MCU: variants seen among roughly 807,000 people sequenced by gnomAD.
MCU encodes calcium uniporter protein, mitochondrial.
In MCU, 12 loss-of-function variants were observed where a neutral mutation model predicts 45.2. The ratio of observed to expected loss-of-function variants is 0.27; its 90% CI spans 0.17 to 0.43. MCU has a LOEUF of 0.43. MCU is among the 20% of genes least tolerant of loss of function. MCU has a pLI of 1.00. For synonymous variants in MCU, 160 were observed against 165.1 expected (o/e 0.97, Z 0.24); for missense variants, 324 against 436.7 (o/e 0.74, Z 2.30).
chr10:72,808,014 C>G (rs1203528188), intron 1 of MCU, among the ~76,000 whole-genome samples: 1 of 152,152 alleles, frequency 6.6e-6, no homozygotes, highest in Non-Finnish European at 1.5e-5. Context: ...TATTGACAAG[C>G]TTATTTTACT....
intron 1 of MCU, among the ~76,000 whole-genome samples, chr10:72,811,500 C>T (rs1450410954): frequency 6.6e-6 from 1 of 152,086 alleles, no homozygotes; most frequent in Non-Finnish European, 1.5e-5. Context: ...CTGTGGGGTC[C>T]CTTCAGATTA....
At chr10:72,764,172 A>C (rs1202655800) in intron 1 of MCU, among the ~76,000 whole-genome samples, 1 of 152,166 alleles carries the variant, frequency 6.6e-6, no homozygotes, top group Admixed American at 6.5e-5. Context: ...AGTTCCACTA[A>C]ATGATTTAAG....
At position 72,860,540 on chromosome 10, in the gene MCU, C is replaced by T. The variant is rs1845360382; in HGVS notation, c.496+13C>T. 1 of 1,596,510 alleles carries T rather than the reference C, an allele frequency of 6.3e-7. No homozygotes were observed. Among genetic ancestry groups the T allele is most frequent in the South Asian group, 1.1e-5 (1 of 90,440 alleles). The stretch of plus-strand genomic sequence containing the variant: ...CCACCAAAAAGAGGTAAAATAGTAA[C>T]CTTGGTAAGGTCACAGAAATGTGGG... On this transcript the variant is annotated intron_variant, in intron 4 of 7. Coordinates refer to ENST00000373053, the MANE Select transcript of MCU (RefSeq NM_138357.3).
At chr10:72,788,908 A>G (rs1286473389) in intron 1 of MCU, among the ~76,000 whole-genome samples, 2 of 152,196 alleles carry the variant, frequency 1.3e-5, no homozygotes, top group African/African-American at 4.8e-5. Flanking sequence ...ACATTTGCTG[A>G]GGAATTGCTG....
At chr10:72,859,463 A>G in intron 3 of MCU, 116 bp downstream of exon 3, 1 of 969,812 alleles carries the variant, frequency 1.0e-6, no homozygotes, top group South Asian at 2.1e-5. Flanking sequence ...TGTTAACTTC[A>G]GAAAACTTTT....
At chr10:72,860,983 G>A (rs1021695785) in intron 4 of MCU, among the ~76,000 whole-genome samples, 1 of 152,042 alleles carries the variant, frequency 6.6e-6, no homozygotes, top group African/African-American at 2.4e-5. Flanking sequence ...AATAATAATA[G>A]TTCTTAGGAA....
At chr10:72,878,294 GCATTTTT>G (rs2132895837) in intron 6 of MCU, among the ~76,000 whole-genome samples, 1 of 151,364 alleles carries the variant, frequency 6.6e-6, no homozygotes, top group Non-Finnish European at 1.5e-5. Context: ...GGATTTTTTG[GCATTTTT>G]TGTAGAGCTG....
intron 4 of MCU, chr10:72,861,747 T>C: frequency 2.9e-6 from 1 of 349,010 alleles, no homozygotes; most frequent in Admixed American, 3.9e-5. Flanking sequence ...TCTACCTGCC[T>C]CAGCCTCCCA....
At chr10:72,693,199 T>TGTGA (rs1491182985) in intron 1 of MCU, 7 of 485,360 alleles carry the variant, frequency 1.4e-5, no homozygotes, top group African/African-American at 8.5e-5. Context: ...TGTGTGTGTG[T>TGTGA]GAGAGAGAGA....
chr10:72,804,693 A>G (rs1380996944), intron 1 of MCU, among the ~76,000 whole-genome samples: 1 of 152,250 alleles, frequency 6.6e-6, no homozygotes, highest in African/African-American at 2.4e-5. Context: ...TAATGCACAC[A>G]GAAGAGTATC....
intron 1 of MCU, among the ~76,000 whole-genome samples, chr10:72,783,824 A>G (rs1375586011): frequency 6.6e-6 from 1 of 152,148 alleles, no homozygotes; most frequent in Non-Finnish European, 1.5e-5. Context: ...TTAGCTCCAA[A>G]TGTTGGGGAG....
intron 1 of MCU, among the ~76,000 whole-genome samples, chr10:72,752,088 CT>C (rs1267523199): frequency 1.3e-5 from 2 of 152,098 alleles, no homozygotes; most frequent in East Asian, 1.9e-4. Flanking sequence ...ATCCACCCCC[CT>C]AGGCCTCCCA....
chr10:72,855,650 A>T (rs1845278022), intron 2 of MCU, among the ~76,000 whole-genome samples: 1 of 152,222 alleles, frequency 6.6e-6, no homozygotes, highest in Non-Finnish European at 1.5e-5. Flanking sequence ...AGATTAAAAG[A>T]TAGTAAATCT....
intron 2 of MCU, among the ~76,000 whole-genome samples, chr10:72,842,635 A>G (rs2082118278): frequency 6.6e-6 from 1 of 152,118 alleles, no homozygotes; most frequent in Non-Finnish European, 1.5e-5. Flanking sequence ...TTCCTCTTGA[A>G]TTAACATTTA....
intron 1 of MCU, among the ~76,000 whole-genome samples, chr10:72,824,641 CA>C (rs1312126171): frequency 6.6e-6 from 1 of 152,098 alleles, no homozygotes; most frequent in East Asian, 1.9e-4. Context: ...AATTCGAAAA[CA>C]AAACCAGCTA....
intron 2 of MCU, among the ~76,000 whole-genome samples, chr10:72,836,144 A>C (rs1564570364): frequency 6.6e-6 from 1 of 152,226 alleles, no homozygotes; most frequent in Non-Finnish European, 1.5e-5. Flanking sequence ...CTGTTAAAAA[A>C]AAAAAAGTTT....
chr10:72,831,708 T>G (rs1376717634), intron 1 of MCU, among the ~76,000 whole-genome samples: 4 of 152,124 alleles, frequency 2.6e-5, no homozygotes, highest in Non-Finnish European at 5.9e-5. Flanking sequence ...ATGAGATTGC[T>G]TTTTTTGAAG....
intron 2 of MCU, among the ~76,000 whole-genome samples, chr10:72,850,162 C>T (rs754304643): frequency 2.6e-5 from 4 of 151,996 alleles, no homozygotes; most frequent in South Asian, 2.1e-4. Flanking sequence ...TGAGCCACCG[C>T]GCCTGGCCCA....
chr10:72,748,885 A>G (rs1843454884), intron 1 of MCU, among the ~76,000 whole-genome samples: 1 of 152,244 alleles, frequency 6.6e-6, no homozygotes, highest in South Asian at 2.1e-4. Flanking sequence ...TGTTAGAGTC[A>G]TTTAGCTTCT....
Sources: allele counts gnomAD v4.1 joint callset (sites outside exome capture counted in the v4.1 genomes callset), GRCh38; gene constraint gnomAD v4.1.1; transcripts MANE v1.5; gene names NCBI Gene and HGNC (gene_info 2026-07-23, HGNC 2026-07-21).